The following PACRG variants were observed in gnomAD, a reference collection of about 807,000 sequenced individuals.
PACRG encodes parkin coregulated gene protein.
Under a neutral mutation model 29.7 loss-of-function variants are expected in PACRG, and 29 were observed. That is an observed-to-expected ratio of 0.98 (90% CI 0.73 to 1.33). The LOEUF (loss-of-function observed/expected upper bound fraction) is 1.33, where lower values mean the gene tolerates loss of function less well. Among genes scored for constraint, PACRG ranks in the 40% most tolerant of loss-of-function variants. The pLI, the probability that PACRG is intolerant of heterozygous loss-of-function variation, is 0.00. For missense variants in PACRG, 279 were observed against 316.2 expected, an observed-to-expected ratio of 0.88 and a Z score of 0.89; for synonymous variants, 116 against 118.7, an observed-to-expected ratio of 0.98 and a Z score of 0.15.
intron 2 of PACRG, among the ~76,000 whole-genome samples, chr6:162,930,422 G>A (rs1343784962): frequency 6.6e-6 from 1 of 151,790 alleles, no homozygotes; most frequent in Non-Finnish European, 1.5e-5. Flanking sequence ...AATTATGACT[G>A]ATTTTTGTAT....
chr6:162,835,613 C>T (rs777448195), intron 2 of PACRG, among the ~76,000 whole-genome samples: 4 of 152,034 alleles, frequency 2.6e-5, no homozygotes, highest in East Asian at 1.9e-4. Context: ...TCATGCATCT[C>T]GACAATGAAA....
In PACRG at chr6:163,315,020, T is replaced by C. The variant is rs931524280; in HGVS notation, c.*33T>C. ...AGCAGCTGGGACTTGAAACCTCCCG[T>C]TGGTGTTGGGATCATCTGTCTCTGT... On this transcript the variant is annotated 3_prime_UTR_variant, in exon 5 of 5. Coordinates refer to ENST00000366888, the MANE Select transcript of PACRG (RefSeq NM_001080379.2). The C allele has an allele frequency of 6.2e-7, 1 of 1,603,596 alleles. No homozygotes were observed. Among genetic ancestry groups the C allele is most frequent in the Non-Finnish European group, 8.5e-7 (1 of 1,172,902 alleles).
At chr6:163,285,591 C>T (rs1260145687) in intron 4 of PACRG, among the ~76,000 whole-genome samples, 1 of 152,098 alleles carries the variant, frequency 6.6e-6, no homozygotes, top group African/African-American at 2.4e-5. Context: ...GAGATATTTG[C>T]CAGAGAAGCA....
rs1443095318 is a variant in PACRG, at chr6:163,314,981, AAACT to A, written c.772_*1del. ...TCCCAACCTACGAGTCTTGCTTGCT[AAACT>A]AACAGTGGCAGCAGCTGGGACTTGA... is the stretch of plus-strand genomic sequence containing the variant. On this transcript the variant is annotated frameshift_variant and stop_lost, in exon 5 of 5. Coordinates refer to ENST00000366888, the MANE Select transcript of PACRG (RefSeq NM_001080379.2). LOFTEE classifies it high-confidence loss of function. The A allele has an allele frequency of 1.2e-6, 2 of 1,613,132 alleles. No individual in the cohort carries two copies. Among genetic ancestry groups the A allele is most frequent in the Non-Finnish European group, 1.7e-6 (2 of 1,179,512 alleles).
At chr6:162,987,696 T>C (rs546594478) in intron 2 of PACRG, among the ~76,000 whole-genome samples, 10 of 152,290 alleles carry the variant, frequency 6.6e-5, no homozygotes, top group Admixed American at 2.0e-4. Flanking sequence ...TACCCAGTCT[T>C]AGGTGTGTCT....
At chr6:162,850,702 C>T (rs1160018935) in intron 2 of PACRG, among the ~76,000 whole-genome samples, 1 of 152,188 alleles carries the variant, frequency 6.6e-6, no homozygotes, top group African/African-American at 2.4e-5. Flanking sequence ...ATATCTTGCC[C>T]TATCCATCTC....
At chr6:162,903,714 G>A (rs1228105219) in intron 2 of PACRG, among the ~76,000 whole-genome samples, 3 of 152,220 alleles carry the variant, frequency 2.0e-5, no homozygotes, top group African/African-American at 7.2e-5. Context: ...CAGCCAAACC[G>A]TATCAGGGAA....
intron 4 of PACRG, among the ~76,000 whole-genome samples, chr6:163,113,278 G>A (rs1401689087): frequency 5.3e-5 from 8 of 152,180 alleles, no homozygotes. Context: ...AAGTGGACCA[G>A]CATGTTCATT....
chr6:163,245,091 T>C (rs913177060), intron 4 of PACRG: 2 of 447,994 alleles, frequency 4.5e-6, no homozygotes, highest in South Asian at 3.2e-5. Context: ...GACTAAACTC[T>C]GCAACAAATA....
intron 2 of PACRG, among the ~76,000 whole-genome samples, chr6:162,958,908 G>T (rs1410304996): frequency 6.1e-5 from 8 of 131,924 alleles, no homozygotes; most frequent in African/African-American, 2.3e-4. Flanking sequence ...GAGAGAGAGA[G>T]AGAGAGAGAG....
rs887659747 is a variant in PACRG, at chr6:163,229,777, G to A, written c.614-85050G>A. ...GGAAGAAAAGATGGATGAGGAAAGC[G>A]CTGACTTCCTCTCATGAGGACCAAC... On this transcript the variant is annotated intron_variant, in intron 4 of 4. Transcript: ENST00000366888. 3.3e-5 allele frequency among the ~76,000 whole-genome samples: 5 copies of A among 152,164 alleles called. No individual in the cohort carries two copies. In the East Asian group the frequency reaches 5.8e-4, roughly 18 times the overall value.
At chr6:163,076,656 C>T (rs1265737220) in intron 3 of PACRG, among the ~76,000 whole-genome samples, 1 of 152,198 alleles carries the variant, frequency 6.6e-6, no homozygotes, top group Non-Finnish European at 1.5e-5. Context: ...GTGCTCTAGC[C>T]AAACCGATTG....
At chr6:163,287,746 G>GA (rs1306346347) in intron 4 of PACRG, among the ~76,000 whole-genome samples, 1 of 152,190 alleles carries the variant, frequency 6.6e-6, no homozygotes, top group African/African-American at 2.4e-5. Flanking sequence ...ATTTAACAGA[G>GA]AAAAATAATT....
intron 2 of PACRG, among the ~76,000 whole-genome samples, chr6:163,011,202 G>T (rs1156351563): frequency 6.6e-6 from 1 of 152,192 alleles, no homozygotes; most frequent in African/African-American, 2.4e-5. Context: ...GACACTTAAT[G>T]ACTGGGATAC....
intron 1 of PACRG, among the ~76,000 whole-genome samples, chr6:162,758,221 A>T (rs574170023): frequency 1.3e-5 from 2 of 152,134 alleles, no homozygotes; most frequent in East Asian, 3.9e-4. Context: ...ATTTTTCTTG[A>T]TCTATTACCT....
chr6:163,098,441 G>A (rs1433322606), intron 4 of PACRG, among the ~76,000 whole-genome samples: 1 of 152,176 alleles, frequency 6.6e-6, no homozygotes, highest in Non-Finnish European at 1.5e-5. Context: ...AGAACAGAGG[G>A]CTCGTCCCTC....
chr6:162,990,279 G>A (rs978285619), intron 2 of PACRG, among the ~76,000 whole-genome samples: 2 of 151,688 alleles, frequency 1.3e-5, no homozygotes, highest in Admixed American at 1.3e-4. Flanking sequence ...GGGTCAAATG[G>A]TATTTCTAGT....
chr6:162,881,780 C>T (rs1793870629), intron 2 of PACRG, among the ~76,000 whole-genome samples: 2 of 147,214 alleles, frequency 1.4e-5, no homozygotes, highest in East Asian at 2.1e-4. Flanking sequence ...ATCCGGGAGG[C>T]TCTCCCCACC....
intron 2 of PACRG, among the ~76,000 whole-genome samples, chr6:162,929,488 A>G (rs1233224438): frequency 1.3e-5 from 2 of 152,058 alleles, no homozygotes; most frequent in African/African-American, 2.4e-5. Context: ...ATCACTTGTC[A>G]GATAGATAGT....
Sources: gnomAD v4.1 joint callset for allele counts (sites outside exome capture counted in the v4.1 genomes callset) on GRCh38, gnomAD v4.1.1 for gene constraint, MANE v1.5 for transcripts, NCBI Gene and HGNC (gene_info 2026-07-23, HGNC 2026-07-21) for gene names.